The following SLC35F4 variants were observed in gnomAD, a reference collection of about 807,000 sequenced individuals.
SLC35F4 encodes the protein solute carrier family 35 member F4.
In SLC35F4, 24 loss-of-function variants were observed where a neutral mutation model predicts 44.2. That is an observed-to-expected ratio of 0.54 (90% CI 0.39 to 0.76). The LOEUF is 0.76. SLC35F4 is among the 30% of genes least tolerant of loss of function. The pLI, the probability that SLC35F4 is intolerant of heterozygous loss-of-function variation, is 0.00. For synonymous variants in SLC35F4, 238 were observed against 223.6 expected (o/e 1.06, Z -0.57); for missense variants, 562 against 586.1 (o/e 0.96, Z 0.42).
At chr14:57,773,984 C>G (rs184923002) in intron 1 of SLC35F4, among the ~76,000 whole-genome samples, 5 of 152,130 alleles carry the variant, frequency 3.3e-5, no homozygotes, top group Admixed American at 2.0e-4. Context: ...CAAAGCAATC[C>G]AAATAAGACC....
At chr14:57,714,591 T>A (rs1341317816) in intron 1 of SLC35F4, among the ~76,000 whole-genome samples, 1 of 152,090 alleles carries the variant, frequency 6.6e-6, no homozygotes, top group Non-Finnish European at 1.5e-5. Context: ...CAAGAAAGAA[T>A]GCAAACGATA....
At chr14:57,726,550 G>A (rs1284129753) in intron 1 of SLC35F4, among the ~76,000 whole-genome samples, 1 of 152,112 alleles carries the variant, frequency 6.6e-6, no homozygotes, top group East Asian at 1.9e-4. Context: ...CTTCATATCA[G>A]CATTTAAGTA....
intron 1 of SLC35F4, among the ~76,000 whole-genome samples, chr14:57,816,094 A>G (rs1459549555): frequency 6.6e-6 from 1 of 152,146 alleles, no homozygotes; most frequent in Non-Finnish European, 1.5e-5. Context: ...CACATTTTAT[A>G]TTGTCTCTGA....
chr14:57,794,758 C>T (rs1393537191), intron 1 of SLC35F4, among the ~76,000 whole-genome samples: 1 of 151,310 alleles, frequency 6.6e-6, no homozygotes, highest in East Asian at 2.0e-4. Flanking sequence ...TCTATAAATG[C>T]TATGACTGTA....
At chr14:57,652,638 CAA>C (rs2073826767) in intron 1 of SLC35F4, among the ~76,000 whole-genome samples, 1 of 151,690 alleles carries the variant, frequency 6.6e-6, no homozygotes, top group African/African-American at 2.4e-5. Flanking sequence ...AACCCCCACA[CAA>C]AGATCTAACA....
intron 1 of SLC35F4, among the ~76,000 whole-genome samples, chr14:57,743,787 G>T (rs1871495205): frequency 6.6e-6 from 1 of 152,134 alleles, no homozygotes; most frequent in South Asian, 2.1e-4. Flanking sequence ...CACAATTTTA[G>T]GCCAATATCC....
chr14:57,655,205 T>A (rs36081151), intron 1 of SLC35F4, among the ~76,000 whole-genome samples: 20,935 of 151,650 alleles, frequency 0.14, 1,708 homozygotes, highest in African/African-American at 0.22. Flanking sequence ...TTCCTTTTTT[T>A]AAAAAAAATA....
intron 1 of SLC35F4, among the ~76,000 whole-genome samples, chr14:57,660,772 G>A (rs767720880): frequency 1.1e-4 from 17 of 152,070 alleles, no homozygotes; most frequent in Non-Finnish European, 1.5e-4. Flanking sequence ...TCACCAACAT[G>A]AGTGGGTCTG....
chr14:57,942,708 T>A (rs1245424459), intron 1 of SLC35F4, among the ~76,000 whole-genome samples: 1 of 152,220 alleles, frequency 6.6e-6, no homozygotes, highest in African/African-American at 2.4e-5. Context: ...ACAGTATTCT[T>A]GGAAGCCACG....
At chr14:57,956,594 G>GA (rs528231967) in intron 1 of SLC35F4, among the ~76,000 whole-genome samples, 167 of 151,756 alleles carry the variant, frequency 1.1e-3, no homozygotes, top group African/African-American at 3.8e-3. Context: ...AAATTTACAA[G>GA]AAAAAAACAA....
intron 1 of SLC35F4, among the ~76,000 whole-genome samples, chr14:57,635,906 A>T (rs769146752): frequency 6.6e-6 from 1 of 152,180 alleles, no homozygotes; most frequent in Non-Finnish European, 1.5e-5. Flanking sequence ...CTTCAACAGC[A>T]TGTGAAAATG....
intron 1 of SLC35F4, among the ~76,000 whole-genome samples, chr14:57,921,024 T>G (rs1889430420): frequency 6.6e-6 from 1 of 152,248 alleles, no homozygotes; most frequent in East Asian, 1.9e-4. Context: ...TAATGTGTTC[T>G]CCTATTATTT....
chr14:57,586,746 A>AAAAAAAAAAAAAAACC (rs2069763491), intron 3 of SLC35F4, among the ~76,000 whole-genome samples: 1 of 145,300 alleles, frequency 6.9e-6, no homozygotes, highest in Non-Finnish European at 1.5e-5. Context: ...AAAAAAAAAA[A>AAAAAAAAAAAAAAACC]AGACTTCATG....
intron 1 of SLC35F4, among the ~76,000 whole-genome samples, chr14:57,715,092 ATGATTGAAGGG>A (rs2075906761): frequency 1.3e-5 from 2 of 152,188 alleles, no homozygotes; most frequent in Non-Finnish European, 2.9e-5. Context: ...AAAGATGGAA[ATGATTGAAGGG>A]TGATTCTGAG....
chr14:57,754,991 C>G (rs1261122084), intron 1 of SLC35F4, among the ~76,000 whole-genome samples: 1 of 152,178 alleles, frequency 6.6e-6, no homozygotes, highest in Non-Finnish European at 1.5e-5. Flanking sequence ...TCTGCCCCTT[C>G]TCAAAGGGAG....
At chr14:57,870,446 T>C (rs1888274345), upstream of SLC35F4, among the ~76,000 whole-genome samples, 2 of 152,138 alleles carry the variant, frequency 1.3e-5, no homozygotes, top group East Asian at 3.8e-4. Flanking sequence ...ATCTCTAAAA[T>C]AGAAATATAC....
At chr14:57,677,791 GT>G (rs200240292) in intron 1 of SLC35F4, among the ~76,000 whole-genome samples, 2,999 of 145,574 alleles carry the variant, frequency 0.021, 60 homozygotes, top group South Asian at 0.082. Context: ...ACTACTAAGA[GT>G]TCTCAGAAAT....
intron 1 of SLC35F4, among the ~76,000 whole-genome samples, chr14:57,720,736 C>T (rs778786319): frequency 6.6e-6 from 1 of 151,954 alleles, no homozygotes; most frequent in Non-Finnish European, 1.5e-5. Flanking sequence ...CATTGTTAAT[C>T]TGGATGGGTA....
At chr14:57,840,058 C>T (rs570886859) in intron 1 of SLC35F4, among the ~76,000 whole-genome samples, 27 of 152,274 alleles carry the variant, frequency 1.8e-4, no homozygotes, top group African/African-American at 5.5e-4. Context: ...TGTCCCCAGG[C>T]ACCGTGCTTA....
Sources: gnomAD v4.1 joint callset for allele counts (sites outside exome capture counted in the v4.1 genomes callset) on GRCh38, gnomAD v4.1.1 for gene constraint, MANE v1.5 for transcripts, NCBI Gene and HGNC (gene_info 2026-07-23, HGNC 2026-07-21) for gene names.